PDPR: variants seen among roughly 807,000 people sequenced by gnomAD.
PDPR encodes the protein pyruvate dehydrogenase phosphatase regulatory subunit, mitochondrial.
PDPR carries 50 observed loss-of-function variants against 102.2 expected under a neutral mutation model. That is an observed-to-expected ratio of 0.49 (90% CI 0.39 to 0.62). The LOEUF is 0.62. Among genes scored for constraint, PDPR ranks in the 20% least tolerant of loss-of-function variants. The probability of loss-of-function intolerance (pLI) is 0.00; values close to 1 mark genes in which losing one functional copy is unlikely to be tolerated. For missense variants in PDPR, 625 were observed against 1,098.2 expected (o/e 0.57, Z 6.09); for synonymous variants, 259 against 406.0 (o/e 0.64, Z 4.35).
chr16:70,148,591 C>A (rs766382224), intron 17 of PDPR, 38 bp downstream of exon 17: 8 of 206,402 alleles, frequency 3.9e-5, no homozygotes, highest in African/African-American at 2.2e-4. Flanking sequence ...CCTTCACTTC[C>A]CTTCCCTTCC....
chr16:70,149,800 C>G (rs905862452), intron 17 of PDPR, among the ~76,000 whole-genome samples: 4 of 152,108 alleles, frequency 2.6e-5, no homozygotes, highest in Non-Finnish European at 5.9e-5. Flanking sequence ...TCTCCAGAAC[C>G]TTTTTTTTGA....
chr16:70,117,303 G>A lies in PDPR; in HGVS notation c.-33+2373G>A, dbSNP rs1211805222. 4.6e-5 allele frequency among the ~76,000 whole-genome samples: 6 copies of A among 129,900 alleles called. 1 individual carries two copies. In the South Asian group the frequency reaches 1.2e-3, roughly 25 times the overall value. The allele number at this position is 129,900 out of a possible 152,430, so 85.2% of individuals were successfully genotyped here. On this transcript the variant is annotated intron_variant, in intron 2 of 18. Transcript: ENST00000288050. ...GCCAAGGCAGGCGGATCACGAGGTC[G>A]GGAGATTGAGACCATCCTGGCTAAC...
chr16:70,133,715 G>T (rs772008584), intron 9 of PDPR, among the ~76,000 whole-genome samples: 1 of 151,774 alleles, frequency 6.6e-6, no homozygotes. Context: ...ACTGTGCCCA[G>T]CTCTGCTTCT....
In PDPR at chr16:70,153,337, C is replaced by T. The variant is rs1490640445; in HGVS notation, c.2053-54C>T. On this transcript the variant is annotated intron_variant, in intron 17 of 18. Coordinates refer to ENST00000288050, the MANE Select transcript of PDPR (RefSeq NM_017990.5). Reference sequence around the variant, plus strand: ...AGCCATCAGCGCTTCCAGACATGCTCCATGCTTAATTCTGAAGGTCTGCTG... The same window carrying T: ...AGCCATCAGCGCTTCCAGACATGCTTCATGCTTAATTCTGAAGGTCTGCTG... 3.9e-6 allele frequency: 6 copies of T among 1,548,586 alleles called. No individual in the cohort carries two copies. The African/African-American group carries it at 8.2e-5, about 21-fold the overall frequency.
At chr16:70,147,883 C>G (rs1442163386) in intron 16 of PDPR, among the ~76,000 whole-genome samples, 1 of 152,236 alleles carries the variant, frequency 6.6e-6, no homozygotes, top group Admixed American at 6.5e-5. Context: ...TCCTGTCAGC[C>G]TCCTGTGGAA....
chr16:70,117,680 G>T (rs1251880295), intron 2 of PDPR, among the ~76,000 whole-genome samples: 1 of 152,188 alleles, frequency 6.6e-6, no homozygotes, highest in East Asian at 1.9e-4. Flanking sequence ...ATTACAGGTT[G>T]TTCAGTCTGG....
At chr16:70,141,045 C>G (rs8054008) in intron 11 of PDPR, among the ~76,000 whole-genome samples, 2 of 151,890 alleles carry the variant, frequency 1.3e-5, no homozygotes, top group African/African-American at 2.4e-5. Context: ...AAGATTAGAC[C>G]TTAAGGGAAA....
At chr16:70,122,580 C>G (rs1963437207) in intron 3 of PDPR, among the ~76,000 whole-genome samples, 1 of 152,142 alleles carries the variant, frequency 6.6e-6, no homozygotes, top group Admixed American at 6.5e-5. Context: ...ATCTCTAGCA[C>G]AGAGACCCTG....
At chr16:70,126,179 C>T (rs1371735713) in intron 3 of PDPR, among the ~76,000 whole-genome samples, 1 of 152,220 alleles carries the variant, frequency 6.6e-6, no homozygotes, top group Admixed American at 6.5e-5. Context: ...TTTTTTATAG[C>T]TGCATAATAT....
Position 70,156,682 on chromosome 16 carries a change from G to A in PDPR, c.2443G>A (p.Gly815Ser), listed in dbSNP as rs774550567. ...CAGCCTGGAGCGCCACGTTTGCCTGGGCTTTGTGCACAATTTTTCTGAGGA... is the reference window on the plus strand; with the variant it reads ...CAGCCTGGAGCGCCACGTTTGCCTGAGCTTTGTGCACAATTTTTCTGAGGA... ...SYSLERHVCL[G>S]FVHNFSEDTG... is the part of the protein sequence containing the mutation. Residue 815 changes from glycine (G) to serine (S), a missense_variant, in exon 19 of 19, where the codon GGC becomes AGC. Transcript: ENST00000288050. The A allele has an allele frequency of 5.6e-5, 91 of 1,613,892 alleles. No homozygotes were observed. In the Middle Eastern group the frequency reaches 2.1e-3, roughly 38 times the overall value.
chr16:70,115,456 C>T (rs1302576203), intron 2 of PDPR, among the ~76,000 whole-genome samples: 1 of 152,188 alleles, frequency 6.6e-6, no homozygotes, highest in Non-Finnish European at 1.5e-5. Context: ...GCGTGATCAC[C>T]TGGTGTACTT....
chr16:70,140,336 C>T (rs1259922325), intron 11 of PDPR, among the ~76,000 whole-genome samples: 1 of 152,220 alleles, frequency 6.6e-6, no homozygotes, highest in South Asian at 2.1e-4. Context: ...GGACTGAGAC[C>T]CTGTCTCAAA....
At chr16:70,116,972 C>T (rs965521292) in intron 2 of PDPR, among the ~76,000 whole-genome samples, 1 of 151,310 alleles carries the variant, frequency 6.6e-6, no homozygotes, top group African/African-American at 2.4e-5. Context: ...CTTTCCTTAC[C>T]ATCTGCTTTT....
At chr16:70,124,818 A>C (rs1472006339) in intron 3 of PDPR, among the ~76,000 whole-genome samples, 1 of 152,236 alleles carries the variant, frequency 6.6e-6, no homozygotes, top group Admixed American at 6.5e-5. Flanking sequence ...TAATTATTAG[A>C]GTAAATACAG....
intron 3 of PDPR, among the ~76,000 whole-genome samples, chr16:70,125,325 G>A (rs546210635): frequency 3.5e-4 from 54 of 152,274 alleles, no homozygotes; most frequent in African/African-American, 9.4e-4. Flanking sequence ...GCGGTGAGCC[G>A]AGATTGTGCC....
chr16:70,130,899 A>G (rs1265045156), intron 7 of PDPR, among the ~76,000 whole-genome samples: 8 of 152,384 alleles, frequency 5.2e-5, no homozygotes, highest in African/African-American at 9.6e-5. Flanking sequence ...ACTAATTTCC[A>G]GGACACTGCT....
At chr16:70,152,916 A>G (rs1966840315) in intron 17 of PDPR, among the ~76,000 whole-genome samples, 1 of 152,290 alleles carries the variant, frequency 6.6e-6, no homozygotes, top group Non-Finnish European at 1.5e-5. Flanking sequence ...CGATGTGTGC[A>G]CACGTCTCGA....
chr16:70,126,294 C>T (rs142505069), intron 3 of PDPR, among the ~76,000 whole-genome samples: 21 of 152,380 alleles, frequency 1.4e-4, no homozygotes, highest in Non-Finnish European at 2.2e-4. Context: ...TCACTGCAGC[C>T]GCAAACTTTT....
At chr16:70,119,901 GTTTTT>G (rs111650841) in intron 2 of PDPR, among the ~76,000 whole-genome samples, 3 of 134,876 alleles carry the variant, frequency 2.2e-5, no homozygotes, top group African/African-American at 1.1e-4. Context: ...TTCTTTTTTT[GTTTTT>G]TTTTTGTTTG....
Sources: allele counts gnomAD v4.1 joint callset (sites outside exome capture counted in the v4.1 genomes callset), GRCh38; gene constraint gnomAD v4.1.1; transcripts MANE v1.5; gene names NCBI Gene and HGNC (gene_info 2026-07-23, HGNC 2026-07-21).